RAB2A: variants seen among roughly 807,000 people sequenced by gnomAD.
RAB2A encodes the protein RAB2A, member RAS oncogene family, also known as ras-related protein Rab-2A.
Under a neutral mutation model 32.5 loss-of-function variants are expected in RAB2A, and 7 were observed. The ratio of observed to expected loss-of-function variants is 0.22; its 90% CI spans 0.12 to 0.40. The LOEUF (loss-of-function observed/expected upper bound fraction) is 0.40. Ranked by LOEUF, RAB2A falls within the 10% of genes least tolerant of loss-of-function variation. The probability of loss-of-function intolerance (pLI) is 1.00; values close to 1 mark genes in which losing one functional copy is unlikely to be tolerated. For missense variants in RAB2A, 108 were observed against 260.7 expected, an observed-to-expected ratio of 0.41 and a Z score of 4.03; for synonymous variants, 79 against 85.2, an observed-to-expected ratio of 0.93 and a Z score of 0.40.
At chr8:60,536,588 T>C (rs1328176554) in intron 1 of RAB2A, among the ~76,000 whole-genome samples, 3 of 152,208 alleles carry the variant, frequency 2.0e-5, no homozygotes, top group Non-Finnish European at 2.9e-5. Context: ...ACATGACTTA[T>C]CTATGTGACC....
At chr8:60,608,332 G>C (rs1302574011) in intron 6 of RAB2A, among the ~76,000 whole-genome samples, 3 of 151,606 alleles carry the variant, frequency 2.0e-5, no homozygotes, top group African/African-American at 7.3e-5. Context: ...CTGCTTTTCT[G>C]TTCTTAGCTT....
At chr8:60,573,208 A>G (rs923357865) in intron 3 of RAB2A, among the ~76,000 whole-genome samples, 3 of 152,200 alleles carry the variant, frequency 2.0e-5, no homozygotes, top group Admixed American at 6.5e-5. Context: ...CCCAGTTGAG[A>G]AAACCTGAAA....
chr8:60,565,676 A>ATTTTTTT (rs71252885), intron 2 of RAB2A, among the ~76,000 whole-genome samples: 2 of 97,672 alleles, frequency 2.0e-5, no homozygotes, highest in Non-Finnish European at 4.2e-5. Context: ...TCTGTAGCTG[A>ATTTTTTT]TTTTTTTTTT....
At chr8:60,610,815 C>T (rs1380496259) in intron 6 of RAB2A, among the ~76,000 whole-genome samples, 1 of 152,196 alleles carries the variant, frequency 6.6e-6, no homozygotes, top group Non-Finnish European at 1.5e-5. Context: ...CATATACTTA[C>T]ACACTCACAT....
At chr8:60,561,737 G>GTCCACTC (rs1016151710) in intron 2 of RAB2A, among the ~76,000 whole-genome samples, 1 of 152,118 alleles carries the variant, frequency 6.6e-6, no homozygotes, top group African/African-American at 2.4e-5. Flanking sequence ...CTCTTGTTCT[G>GTCCACTC]TCCACTCTTT....
At chr8:60,605,828 A>AATATATAT (rs765737905) in intron 6 of RAB2A, among the ~76,000 whole-genome samples, 1,616 of 113,934 alleles carry the variant, frequency 0.014, 37 homozygotes, top group African/African-American at 0.051. Context: ...AAAAGGGACT[A>AATATATAT]ATACATATAT....
At chr8:60,556,844 A>G (rs1338560524) in intron 1 of RAB2A, among the ~76,000 whole-genome samples, 1 of 152,140 alleles carries the variant, frequency 6.6e-6, no homozygotes, top group Middle Eastern at 3.2e-3. Context: ...AAACTCTTAG[A>G]TGATTCTTGA....
At chr8:60,538,674 G>GGT (rs1158609817) in intron 1 of RAB2A, among the ~76,000 whole-genome samples, 3 of 152,126 alleles carry the variant, frequency 2.0e-5, no homozygotes, top group Non-Finnish European at 2.9e-5. Context: ...CAGCTTCTAT[G>GGT]GTGTGTGTGT....
intron 3 of RAB2A, among the ~76,000 whole-genome samples, chr8:60,580,340 G>C (rs1335777050): frequency 6.6e-6 from 1 of 152,026 alleles, no homozygotes; most frequent in East Asian, 1.9e-4. Context: ...AATATGTCAA[G>C]GTAGTTAACC....
Position 60,621,190 on chromosome 8 carries a change from CA to C in RAB2A, c.*422del, listed in dbSNP as rs1234272667. Reference sequence around the variant, plus strand: ...GTCAATTTTCACGGCTATAAGGAAACAGAAGGACTCTTTTAATTCTGTATTT... The same window carrying C: ...GTCAATTTTCACGGCTATAAGGAAACGAAGGACTCTTTTAATTCTGTATTT... On this transcript the variant is annotated 3_prime_UTR_variant, in exon 8 of 8. Coordinates refer to ENST00000262646, the MANE Select transcript of RAB2A (RefSeq NM_002865.3). The C allele has an allele frequency of 1.3e-5, 2 of 157,028 alleles. No individual in the cohort carries two copies. Among genetic ancestry groups the C allele is most frequent in the Non-Finnish European group, 2.8e-5 (2 of 70,918 alleles). The allele number at this position is 157,028 out of a possible 1,614,324, so 9.7% of individuals were successfully genotyped here. A position where few individuals can be genotyped will look rare whatever the true frequency, so the allele number is the denominator to read the frequency against.
At chr8:60,563,185 A>G (rs1321400812) in intron 2 of RAB2A, among the ~76,000 whole-genome samples, 1 of 152,240 alleles carries the variant, frequency 6.6e-6, no homozygotes, top group Non-Finnish European at 1.5e-5. Context: ...GTATTAAATG[A>G]TAGAAAAGAG....
chr8:60,554,855 A>G (rs1807911156), intron 1 of RAB2A, among the ~76,000 whole-genome samples: 1 of 152,088 alleles, frequency 6.6e-6, no homozygotes, highest in Non-Finnish European at 1.5e-5. Context: ...TCCGTCTCAA[A>G]AAAAAAAAGA....
chr8:60,543,451 T>TAACTGTACTCTCTA (rs1807678124), intron 1 of RAB2A, among the ~76,000 whole-genome samples: 14 of 150,746 alleles, frequency 9.3e-5, no homozygotes, highest in African/African-American at 2.9e-4. Flanking sequence ...TTCATTCACT[T>TAACTGTACTCTCTA]TGCTTTCTCC....
intron 1 of RAB2A, among the ~76,000 whole-genome samples, chr8:60,554,892 C>T (rs756987465): frequency 3.3e-5 from 5 of 151,902 alleles, no homozygotes; most frequent in South Asian, 2.1e-4. Flanking sequence ...GTTGAGGCCA[C>T]GGGACTGGAT....
intron 1 of RAB2A, among the ~76,000 whole-genome samples, chr8:60,518,152 C>G (rs1807239283): frequency 1.3e-5 from 2 of 152,164 alleles, no homozygotes; most frequent in South Asian, 4.1e-4. Context: ...AGTAAACAGA[C>G]TCTTCGTAGA....
At chr8:60,584,380 C>G in intron 4 of RAB2A, 90 bp downstream of exon 4, 1 of 1,120,962 alleles carries the variant, frequency 8.9e-7, no homozygotes. Context: ...AATAGCTTAG[C>G]CTTTCTGCCC....
intron 5 of RAB2A, among the ~76,000 whole-genome samples, chr8:60,587,574 G>A (rs1253105628): frequency 1.3e-5 from 2 of 152,010 alleles, no homozygotes; most frequent in East Asian, 1.9e-4. Flanking sequence ...ATACAACATC[G>A]TGACATGGTT....
At chr8:60,586,935 A>G (rs1174763110) in intron 5 of RAB2A, among the ~76,000 whole-genome samples, 1 of 141,032 alleles carries the variant, frequency 7.1e-6, no homozygotes, top group Non-Finnish European at 1.5e-5. Flanking sequence ...GTCTCCAAGA[A>G]AAAAAAAAAA....
intron 2 of RAB2A, among the ~76,000 whole-genome samples, chr8:60,571,321 G>C (rs139354917): frequency 2.0e-5 from 3 of 152,088 alleles, no homozygotes; most frequent in Non-Finnish European, 4.4e-5. Context: ...TAAATCTGTA[G>C]CAATAAAGTA....
Sources: gnomAD v4.1 joint callset for allele counts (sites outside exome capture counted in the v4.1 genomes callset) on GRCh38, gnomAD v4.1.1 for gene constraint, MANE v1.5 for transcripts, NCBI Gene and HGNC (gene_info 2026-07-23, HGNC 2026-07-21) for gene names.